EPB41L1: variants seen among roughly 807,000 people sequenced by gnomAD.
EPB41L1 encodes band 4.1-like protein 1.
EPB41L1 carries 29 observed loss-of-function variants against 97.8 expected under a neutral mutation model. The ratio of observed to expected loss-of-function variants is 0.30; its 90% confidence interval spans 0.22 to 0.40. EPB41L1 has a LOEUF of 0.40. Ranked by LOEUF, EPB41L1 falls within the 10% of genes least tolerant of loss-of-function variation. EPB41L1 has a pLI of 1.00. For synonymous variants in EPB41L1, 383 were observed against 459.2 expected, an observed-to-expected ratio of 0.83 and a Z score of 2.12; for missense variants, 812 against 1,162.3, an observed-to-expected ratio of 0.70 and a Z score of 4.38.
intron 5 of EPB41L1, among the ~76,000 whole-genome samples, chr20:36,179,463 T>C (rs1030294272): frequency 2.0e-5 from 3 of 152,174 alleles, no homozygotes; most frequent in Non-Finnish European, 4.4e-5. Flanking sequence ...TCCAACACCA[T>C]CCTGTGCTCT....
Position 36,169,732 on chromosome 20 carries a change from C to T in EPB41L1, c.-14-4032C>T, listed in dbSNP as rs73101484. On this transcript the variant is annotated intron_variant, in intron 1 of 21. Transcript: ENST00000338074. ...TCTAAATGGCTCCCTTTTTTCAACA[C>T]CTAATTCCACCTTCACCTCCCCACC... Among the ~76,000 whole-genome samples, 678 of 152,268 alleles carry T rather than the reference C, an allele frequency of 4.5e-3. 2 individuals are homozygous for T. Among genetic ancestry groups the T allele is most frequent in the Middle Eastern group, 0.014 (4 of 294 alleles).
At chr20:36,180,379 T>C (rs1259111536) in intron 5 of EPB41L1, among the ~76,000 whole-genome samples, 1 of 152,168 alleles carries the variant, frequency 6.6e-6, no homozygotes, top group African/African-American at 2.4e-5. Flanking sequence ...TAGGGCAAAG[T>C]AGGGCACCTG....
intron 1 of EPB41L1, among the ~76,000 whole-genome samples, chr20:36,166,830 A>T (rs1483607706): frequency 6.6e-6 from 1 of 152,084 alleles, no homozygotes; most frequent in African/African-American, 2.4e-5. Flanking sequence ...ATGCCACTGC[A>T]CTCCAGTCTG....
In EPB41L1 at chr20:36,093,706, T is replaced by C. The variant is rs1393945040; in HGVS notation, c.-65+2094T>C. On this transcript the variant is annotated intron_variant, in intron 1 of 19. Transcript: ENST00000202028. The surrounding 1 kb of genome is among the most constrained non-coding windows in gnomAD (Gnocchi z 5.4). ...GTGCGTGCGTGTGTGTGTGTGTGTA[T>C]GTGTATGCGTGCGCGCGCGTGTGTG... 6.8e-6 allele frequency among the ~76,000 whole-genome samples: 1 copy of C among 147,088 alleles called. No homozygotes were observed. The highest frequency in any genetic ancestry group is 1.5e-5 in the Non-Finnish European group (1 of 66,642).
Position 36,218,688 on chromosome 20 carries a change from G to A in EPB41L1, c.2269-188G>A, listed in dbSNP as rs978248920. On this transcript the variant is annotated intron_variant, in intron 17 of 21. Transcript: ENST00000338074. ...TGAATGAGCGAGTGTGCAAGTGTGCGAGTGAACAAATGTGTGCCTGAGTGA... is the reference window on the plus strand; with the variant it reads ...TGAATGAGCGAGTGTGCAAGTGTGCAAGTGAACAAATGTGTGCCTGAGTGA... Among the ~76,000 whole-genome samples, 6 of 152,362 alleles carry A rather than the reference G, an allele frequency of 3.9e-5. No homozygotes were observed. In the South Asian group the frequency reaches 6.2e-4, roughly 16 times the overall value.
intron 2 of EPB41L1, among the ~76,000 whole-genome samples, chr20:36,123,085 T>C (rs979757559): frequency 2.6e-5 from 4 of 151,824 alleles, no homozygotes; most frequent in African/African-American, 9.7e-5. Flanking sequence ...TACCTAGAGA[T>C]GGGGCTTTCT....
At chr20:36,220,095 G>A (rs1218950671) in intron 19 of EPB41L1, among the ~76,000 whole-genome samples, 4 of 152,266 alleles carry the variant, frequency 2.6e-5, no homozygotes, top group Non-Finnish European at 2.9e-5. Context: ...GAACCATGGC[G>A]TGTGCGCCTT....
chr20:36,179,030 A>C (rs1441982341), intron 5 of EPB41L1, among the ~76,000 whole-genome samples: 1 of 151,516 alleles, frequency 6.6e-6, no homozygotes, highest in Non-Finnish European at 1.5e-5. Context: ...AGCTGAGATC[A>C]TGCCACTGCA....
intron 21 of EPB41L1, 124 bp from the exon 22 acceptor site, chr20:36,229,208 G>C: frequency 1.2e-6 from 1 of 823,212 alleles, no homozygotes; most frequent in South Asian, 1.5e-5. Context: ...GTAAAGGGTA[G>C]CAAAAACAAC....
chr20:36,227,608 T>A (rs1051561518), intron 21 of EPB41L1, among the ~76,000 whole-genome samples: 4 of 152,134 alleles, frequency 2.6e-5, no homozygotes, highest in African/African-American at 9.7e-5. Context: ...ACTGAGAAAG[T>A]CAGATCGTAA....
chr20:36,207,004 G>A lies in EPB41L1; in HGVS notation c.1669-2484G>A, dbSNP rs2062855577. ...CAACTTCCCACCCAAAGAGAGGGGA[G>A]TGGTTCCCACCCAGAAAGGAGGGGC... is the stretch of plus-strand genomic sequence containing the variant. On this transcript the variant is annotated intron_variant, in intron 14 of 21. Transcript: ENST00000338074. This position sits in a 1 kb window ranked among gnomAD's most constrained non-coding sequence, Gnocchi z 4.9. 7.8e-7 allele frequency: 1 copy of A among 1,289,960 alleles called. No homozygotes were observed. The highest frequency in any genetic ancestry group is 1.0e-6 in the Non-Finnish European group (1 of 988,892). 79.9% of individuals were successfully genotyped at this position (1,289,960 alleles called of 1,614,324 possible).
At chr20:36,112,382 A>G (rs1395094585) in intron 1 of EPB41L1, 2 of 152,280 alleles carry the variant, frequency 1.3e-5, no homozygotes, top group Non-Finnish European at 2.9e-5. Context: ...TGCTGGGCTC[A>G]TGAACTCCTG....
intron 1 of EPB41L1, among the ~76,000 whole-genome samples, chr20:36,095,958 G>A (rs1293946371): frequency 1.3e-5 from 2 of 151,928 alleles, no homozygotes; most frequent in Admixed American, 6.6e-5. Flanking sequence ...CCCAGGAGGC[G>A]GAGGTTGCAG....
intron 2 of EPB41L1, among the ~76,000 whole-genome samples, chr20:36,126,664 C>A (rs1471808536): frequency 6.6e-6 from 1 of 152,190 alleles, no homozygotes; most frequent in Non-Finnish European, 1.5e-5. Flanking sequence ...CCGTGCCTGG[C>A]CAGTGGAATG....
chr20:36,200,037 C>T (rs923404783), intron 14 of EPB41L1, among the ~76,000 whole-genome samples: 1 of 152,182 alleles, frequency 6.6e-6, no homozygotes, highest in Non-Finnish European at 1.5e-5. Context: ...GAACTATGGT[C>T]CAGGAGCTCA....
At chr20:36,182,646 C>T (rs943836981) in intron 6 of EPB41L1, among the ~76,000 whole-genome samples, 7 of 152,176 alleles carry the variant, frequency 4.6e-5, no homozygotes, top group South Asian at 2.1e-4. Flanking sequence ...TGTTCCCCTC[C>T]GGGCCATCAC....
chr20:36,189,736 CTT>C (rs1797829164), intron 9 of EPB41L1, among the ~76,000 whole-genome samples: 1 of 152,190 alleles, frequency 6.6e-6, no homozygotes, highest in African/African-American at 2.4e-5. Flanking sequence ...CTGCAATTAT[CTT>C]GTTTGCTTAT....
chr20:36,198,128 C>G, intron 14 of EPB41L1, 87 bp downstream of exon 14: 1 of 1,217,560 alleles, frequency 8.2e-7, no homozygotes, highest in Non-Finnish European at 1.2e-6. Flanking sequence ...ATCCTCCACA[C>G]CAATATGCTT....
At chr20:36,160,324 C>CTA (rs1480808115) in intron 1 of EPB41L1, among the ~76,000 whole-genome samples, 1 of 152,156 alleles carries the variant, frequency 6.6e-6, no homozygotes, top group Admixed American at 6.5e-5. Context: ...TGGCTCATGC[C>CTA]TATAATCCCA....
Sources: allele counts gnomAD v4.1 joint callset (sites outside exome capture counted in the v4.1 genomes callset), GRCh38; gene constraint gnomAD v4.1.1; non-coding constraint Gnocchi (gnomAD v3.1); transcripts MANE v1.5; gene names NCBI Gene and HGNC (gene_info 2026-07-23, HGNC 2026-07-21).